The following XXYLT1 variants were observed in gnomAD, a reference collection of about 807,000 sequenced individuals.
The protein encoded by XXYLT1 is UDP-xylose:alpha-xyloside alpha-1,3-xylosyltransferase.
XXYLT1 carries 20 observed loss-of-function variants against 28.9 expected under a neutral mutation model. That is an observed-to-expected ratio of 0.69 (90% CI 0.49 to 1.00). The LOEUF (loss-of-function observed/expected upper bound fraction) is 1.00. Ranked by LOEUF, XXYLT1 falls within the 50% of genes least tolerant of loss-of-function variation. The probability of loss-of-function intolerance (pLI) is 0.00; values close to 1 mark genes in which losing one functional copy is unlikely to be tolerated. For missense variants in XXYLT1, 542 were observed against 560.1 expected, an observed-to-expected ratio of 0.97 and a Z score of 0.33; for synonymous variants, 257 against 253.8, an observed-to-expected ratio of 1.01 and a Z score of -0.12.
intron 2 of XXYLT1, among the ~76,000 whole-genome samples, chr3:195,174,077 C>T (rs752483529): frequency 1.8e-4 from 27 of 152,156 alleles, no homozygotes; most frequent in African/African-American, 5.5e-4. Context: ...TCTTTTTTAA[C>T]GAGGGCTGTA....
intron 2 of XXYLT1, among the ~76,000 whole-genome samples, chr3:195,190,701 A>G (rs1443965550): frequency 2.6e-5 from 4 of 151,988 alleles, no homozygotes; most frequent in Non-Finnish European, 4.4e-5. Context: ...AAATTACAAC[A>G]CTGGGTTGTT....
intron 3 of XXYLT1, among the ~76,000 whole-genome samples, chr3:195,074,081 C>T (rs1343810165): frequency 4.0e-5 from 6 of 151,802 alleles, no homozygotes; most frequent in Non-Finnish European, 5.9e-5. Flanking sequence ...TCCGACTCTT[C>T]GTGATTTTTT....
chr3:195,216,041 T>G (rs1294633759), intron 2 of XXYLT1, among the ~76,000 whole-genome samples: 3 of 151,452 alleles, frequency 2.0e-5, no homozygotes, highest in Non-Finnish European at 4.4e-5. Flanking sequence ...CTCAACTACA[T>G]GGAAACTGAA....
chr3:195,213,357 T>C (rs1723417270), intron 2 of XXYLT1, among the ~76,000 whole-genome samples: 1 of 151,400 alleles, frequency 6.6e-6, no homozygotes, highest in Non-Finnish European at 1.5e-5. Flanking sequence ...CTCCACTTCC[T>C]GGGTTCAAGT....
intron 2 of XXYLT1, among the ~76,000 whole-genome samples, chr3:195,213,305 C>A (rs1723414872): frequency 6.8e-6 from 1 of 147,888 alleles, no homozygotes; most frequent in Non-Finnish European, 1.5e-5. Flanking sequence ...GCTCTTGTTG[C>A]CCAGGGTGGA....
chr3:195,170,114 TGCTG>T (rs1269287106), intron 2 of XXYLT1, among the ~76,000 whole-genome samples: 3 of 152,060 alleles, frequency 2.0e-5, no homozygotes, highest in African/African-American at 7.2e-5. Context: ...CCTCCCAAAG[TGCTG>T]GAATTACAGG....
chr3:195,070,149 G>C, intron 3 of XXYLT1, 38 bp from the exon 4 acceptor site: 1 of 1,507,148 alleles, frequency 6.6e-7, no homozygotes, highest in Non-Finnish European at 8.8e-7. Flanking sequence ...CGGTGTGCAG[G>C]GGAACCAGCC....
chr3:195,099,084 A>G (rs1334079427), intron 3 of XXYLT1, among the ~76,000 whole-genome samples: 1 of 152,172 alleles, frequency 6.6e-6, no homozygotes, highest in Admixed American at 6.5e-5. Flanking sequence ...AGTACGGTGT[A>G]ATTAACGTGG....
chr3:195,125,821 C>T (rs933888322), intron 3 of XXYLT1, among the ~76,000 whole-genome samples: 8 of 152,200 alleles, frequency 5.3e-5, no homozygotes, highest in Admixed American at 2.0e-4. Flanking sequence ...CAGAGACCTG[C>T]GTGAGGACAG....
rs141297490 is a variant in XXYLT1 at position 195,106,091 on chromosome 3, A to G, written c.786-35980T>C. ...AAATTAAACGTGGTCTCTTTATCCA[A>G]AAGTGCCCAATTTGTTATGATTAAT... On this transcript the variant is annotated intron_variant, in intron 3 of 3. Coordinates refer to ENST00000310380, the MANE Select transcript of XXYLT1 (RefSeq NM_152531.5). Among the ~76,000 whole-genome samples the G allele has an allele frequency of 3.5e-3, 537 of 152,358 alleles. 4 individuals carry two copies. Among genetic ancestry groups the G allele is most frequent in the African/African-American group, 0.012 (509 of 41,588 alleles).
intron 2 of XXYLT1, among the ~76,000 whole-genome samples, chr3:195,207,976 G>A (rs1343523550): frequency 6.6e-6 from 1 of 152,172 alleles, no homozygotes; most frequent in Non-Finnish European, 1.5e-5. Context: ...GACAGAAAGT[G>A]CCCAAGACAG....
At chr3:195,262,247 G>A (rs1308861528) in intron 1 of XXYLT1, among the ~76,000 whole-genome samples, 1 of 152,188 alleles carries the variant, frequency 6.6e-6, no homozygotes, top group Non-Finnish European at 1.5e-5. Context: ...CCACATATTA[G>A]CTGAGCCCAC....
Position 195,168,836 on chromosome 3 carries a change from C to G in XXYLT1, c.653-12255G>C, listed in dbSNP as rs1240555137. On this transcript the variant is annotated intron_variant, in intron 2 of 3. Transcript: ENST00000310380. The surrounding 1 kb of genome is among the most constrained non-coding windows in gnomAD (Gnocchi z 4.3). ...AATAACCTGCTTAGGGTCACACGGC[C>G]AGTGAGTGACCAGCAGAAATGCAAG... Among the ~76,000 whole-genome samples, 1 of 152,198 alleles carries G rather than the reference C, an allele frequency of 6.6e-6. No homozygotes were observed. The highest frequency in any genetic ancestry group is 6.5e-5 in the Admixed American group (1 of 15,286).
At chr3:195,116,706 A>C (rs1191382409) in intron 3 of XXYLT1, among the ~76,000 whole-genome samples, 1 of 152,190 alleles carries the variant, frequency 6.6e-6, no homozygotes, top group Non-Finnish European at 1.5e-5. Context: ...ACTGTGCAGA[A>C]GGGAAAGGGA....
intron 2 of XXYLT1, among the ~76,000 whole-genome samples, chr3:195,182,229 T>C (rs73063135): frequency 0.013 from 2,050 of 152,256 alleles, 49 homozygotes; most frequent in African/African-American, 0.047. Context: ...TCCTACCTTA[T>C]ATGGTGGCAG....
intron 2 of XXYLT1, among the ~76,000 whole-genome samples, chr3:195,201,256 G>T (rs1313824438): frequency 6.6e-6 from 1 of 152,150 alleles, no homozygotes; most frequent in Non-Finnish European, 1.5e-5. Flanking sequence ...TCAGTAGCTA[G>T]ACAAGGCCAG....
At chr3:195,265,703 C>T (rs968337281) in intron 1 of XXYLT1, among the ~76,000 whole-genome samples, 7 of 152,228 alleles carry the variant, frequency 4.6e-5, no homozygotes, top group Non-Finnish European at 8.8e-5. Context: ...ACAATACACA[C>T]AGCAGCACTG....
chr3:195,214,418 A>G (rs1419455141), intron 2 of XXYLT1, among the ~76,000 whole-genome samples: 3 of 151,706 alleles, frequency 2.0e-5, no homozygotes, highest in African/African-American at 2.4e-5. Context: ...TGCTGACCCC[A>G]CCCATGTCCA....
chr3:195,190,999 A>AT (rs1005288149), intron 2 of XXYLT1, among the ~76,000 whole-genome samples: 64 of 152,362 alleles, frequency 4.2e-4, no homozygotes, highest in African/African-American at 1.5e-3. Context: ...AAAAGAAGGC[A>AT]TATAGAAAAC....
Sources: allele counts gnomAD v4.1 joint callset (sites outside exome capture counted in the v4.1 genomes callset), GRCh38; gene constraint gnomAD v4.1.1; non-coding constraint Gnocchi (gnomAD v3.1); transcripts MANE v1.5; gene names NCBI Gene and HGNC (gene_info 2026-07-23, HGNC 2026-07-21).